KCNJ15: variants seen among roughly 807,000 people sequenced by gnomAD.
KCNJ15 encodes ATP-sensitive inward rectifier potassium channel 15.
In KCNJ15, 14 loss-of-function variants were observed where a neutral mutation model predicts 23.0. The observed-to-expected ratio is 0.61, with a 90% CI of 0.40 to 0.95. The LOEUF (loss-of-function observed/expected upper bound fraction) is 0.95. Ranked by LOEUF, KCNJ15 falls within the 40% of genes least tolerant of loss-of-function variation. The pLI is 0.00. For missense variants in KCNJ15, 388 were observed against 461.8 expected (o/e 0.84, Z 1.46); for synonymous variants, 185 against 183.2 (o/e 1.01, Z -0.08).
chr21:38,298,266 C>G (rs1405540702), intron 2 of KCNJ15: 2 of 152,096 alleles, frequency 1.3e-5, no homozygotes, highest in African/African-American at 4.8e-5. Context: ...AGCATGGGAG[C>G]CCAGCACTTC....
At position 38,303,951 on chromosome 21, in the gene KCNJ15, CA is replaced by C. The variant is rs1305686503; in HGVS notation, c.*3566del. 1 of 152,012 alleles carries C rather than the reference CA, an allele frequency of 6.6e-6. No homozygotes were observed. The highest frequency in any genetic ancestry group is 1.5e-5 in the Non-Finnish European group (1 of 68,004). 9.4% of individuals were successfully genotyped at this position (152,012 alleles called of 1,614,324 possible). A position where few individuals can be genotyped will look rare whatever the true frequency, so the allele number is the denominator to read the frequency against. On this transcript the variant is annotated 3_prime_UTR_variant, in exon 3 of 3. Coordinates refer to ENST00000398938, the MANE Select transcript of KCNJ15 (RefSeq NM_170736.3). Reference sequence around the variant, plus strand: ...TGGTTCTATATGCTGTCATGATGTTCAAAATGTCAGACATTTGACCACATGG... The same window carrying C: ...TGGTTCTATATGCTGTCATGATGTTCAAATGTCAGACATTTGACCACATGG...
intron 1 of KCNJ15, among the ~76,000 whole-genome samples, chr21:38,237,895 C>T (rs1028084562): frequency 3.3e-5 from 5 of 152,164 alleles, no homozygotes; most frequent in East Asian, 1.9e-4. Flanking sequence ...AAAGATCCAT[C>T]GCAATGGTAT....
intron 1 of KCNJ15, among the ~76,000 whole-genome samples, chr21:38,241,121 T>C (rs912898276): frequency 6.6e-6 from 1 of 152,192 alleles, no homozygotes; most frequent in Non-Finnish European, 1.5e-5. Context: ...AAAATAAAAA[T>C]AGCCCTGGAC....
At position 38,300,183 on chromosome 21, in the gene KCNJ15, G is replaced by C. The variant is rs963923530; in HGVS notation, c.922G>C (p.Gly308Arg). Residue 308 changes from glycine to arginine, a missense_variant, in exon 3 of 3, where the codon GGT (glycine) becomes CGT (arginine). Physicochemically the swap from Gly to Arg is moderately radical, Grantham distance 125. Coordinates refer to ENST00000398938, the MANE Select transcript of KCNJ15 (RefSeq NM_170736.3). The stretch of plus-strand genomic sequence containing the variant: ...TTATATCCCAGAGGAAATCTACTGG[G>C]GTTTTGAGTTTGTGCCTGTGGTATC... ...TSYIPEEIYWGFEFVPVVSLS... is the reference protein window; with the variant it reads ...TSYIPEEIYWRFEFVPVVSLS... The C allele has an allele frequency of 1.2e-6, 2 of 1,614,016 alleles. No homozygotes were observed. The highest frequency in any genetic ancestry group is 2.7e-5 in the African/African-American group (2 of 74,908).
At chr21:38,288,018 G>GCTTTTTTCTTTTTTTTTT (rs1984096468) in intron 1 of KCNJ15, among the ~76,000 whole-genome samples, 1 of 26,018 alleles carries the variant, frequency 3.8e-5, no homozygotes, top group South Asian at 1.8e-3. Context: ...TAAATAACTT[G>GCTTTTTTCTTTTTTTTTT]TTTTTTTCTT....
intron 1 of KCNJ15, among the ~76,000 whole-genome samples, chr21:38,293,069 A>G (rs1436241924): frequency 6.6e-6 from 1 of 152,048 alleles, no homozygotes; most frequent in Admixed American, 6.6e-5. Flanking sequence ...AAAAATATGT[A>G]TTAATCGTGA....
At chr21:38,275,462 C>T (rs530931089) in intron 1 of KCNJ15, among the ~76,000 whole-genome samples, 55 of 136,600 alleles carry the variant, frequency 4.0e-4, no homozygotes, top group Non-Finnish European at 5.5e-4. Flanking sequence ...GCAGAGGTTG[C>T]AGTGAGCCAA....
intron 1 of KCNJ15, among the ~76,000 whole-genome samples, chr21:38,268,550 GAAAAAAAAAAAAAA>G (rs576709021): frequency 6.3e-4 from 30 of 47,276 alleles, no homozygotes; most frequent in African/African-American, 9.8e-4. Context: ...CTTAAAATCT[GAAAAAAAAAAAAAA>G]AAAAAAAAAA....
chr21:38,231,791 G>A (rs1199419354), intron 1 of KCNJ15, among the ~76,000 whole-genome samples: 6 of 151,748 alleles, frequency 4.0e-5, no homozygotes, highest in Non-Finnish European at 8.9e-5. Flanking sequence ...TGTTAGACCA[G>A]CATTATATTT....
chr21:38,241,499 C>T (rs1281567756), intron 1 of KCNJ15, among the ~76,000 whole-genome samples: 1 of 152,178 alleles, frequency 6.6e-6, no homozygotes, highest in Non-Finnish European at 1.5e-5. Flanking sequence ...TCATCTCGTG[C>T]AAATGAACTT....
chr21:38,276,683 C>T (rs1982732628), intron 1 of KCNJ15, among the ~76,000 whole-genome samples: 2 of 152,078 alleles, frequency 1.3e-5, no homozygotes, highest in Admixed American at 6.6e-5. Flanking sequence ...GACAAACCTT[C>T]ATACCCTTTT....
At chr21:38,236,302 A>T (rs1978596652) in intron 1 of KCNJ15, among the ~76,000 whole-genome samples, 1 of 152,206 alleles carries the variant, frequency 6.6e-6, no homozygotes, top group South Asian at 2.1e-4. Flanking sequence ...TAAACATAAC[A>T]AAAGCTTTGG....
rs60094452 is a variant in KCNJ15, at chr21:38,305,080, CAA to C, written c.*4707_*4708del. ...GGGCAACAAAAGTAAAACTCCGTCT[CAA>C]AAAAAAAAAAAAAAAGAAAAAGAAA... On this transcript the variant is annotated 3_prime_UTR_variant, in exon 3 of 3. Transcript: ENST00000398938. 497 of 97,788 alleles carry C rather than the reference CAA, an allele frequency of 5.1e-3. 2 individuals carry two copies. The highest frequency in any genetic ancestry group is 0.018 in the African/African-American group (482 of 27,322). The allele number at this position is 97,788 out of a possible 1,614,324, so 6.1% of individuals were successfully genotyped here.
At chr21:38,257,455 A>G (rs1302969488) in intron 1 of KCNJ15, among the ~76,000 whole-genome samples, 2 of 152,140 alleles carry the variant, frequency 1.3e-5, no homozygotes, top group African/African-American at 2.4e-5. Flanking sequence ...CGGTGGGTGT[A>G]CGGGGGTCTA....
At chr21:38,262,011 G>A (rs1011970664) in intron 1 of KCNJ15, among the ~76,000 whole-genome samples, 1 of 152,134 alleles carries the variant, frequency 6.6e-6, no homozygotes, top group East Asian at 1.9e-4. Context: ...GCCAAATAAT[G>A]TTCTCACTCA....
chr21:38,243,434 C>T (rs990566541), intron 1 of KCNJ15, among the ~76,000 whole-genome samples: 33 of 144,852 alleles, frequency 2.3e-4, no homozygotes, highest in African/African-American at 7.8e-4. Flanking sequence ...TTGAGTTTCG[C>T]GGCCATACTT....
chr21:38,258,718 A>G, intron 1 of KCNJ15, among the ~76,000 whole-genome samples: 1 of 152,196 alleles, frequency 6.6e-6, no homozygotes, highest in Non-Finnish European at 1.5e-5. Context: ...AGGAAAACAC[A>G]TTTTTCTAAA....
At chr21:38,283,448 T>C (rs1171570731) in intron 1 of KCNJ15, among the ~76,000 whole-genome samples, 1 of 152,240 alleles carries the variant, frequency 6.6e-6, no homozygotes, top group African/African-American at 2.4e-5. Flanking sequence ...GCTGTATCAA[T>C]TGCCTTTTAA....
At chr21:38,255,836 A>T (rs1010359565), upstream of KCNJ15, among the ~76,000 whole-genome samples, 1 of 152,070 alleles carries the variant, frequency 6.6e-6, no homozygotes, top group East Asian at 1.9e-4. Flanking sequence ...TTTCCAACAG[A>T]AGCAAAGTGT....
Sources: gnomAD v4.1 joint callset for allele counts (sites outside exome capture counted in the v4.1 genomes callset) on GRCh38, gnomAD v4.1.1 for gene constraint, MANE v1.5 for transcripts, NCBI Gene and HGNC (gene_info 2026-07-23, HGNC 2026-07-21) for gene names.